The following DPY19L2 variants were observed in gnomAD, a reference collection of about 807,000 sequenced individuals.
DPY19L2 encodes probable C-mannosyltransferase DPY19L2.
A neutral mutation model predicts 97.9 loss-of-function variants in DPY19L2; 34 were observed. That is an observed-to-expected ratio of 0.35 (90% confidence interval 0.26 to 0.46). DPY19L2 has a LOEUF of 0.46. Ranked by LOEUF, DPY19L2 falls within the 20% of genes least tolerant of loss-of-function variation. The pLI is 1.00. For missense variants in DPY19L2, 623 were observed against 911.4 expected, an observed-to-expected ratio of 0.68 and a Z score of 4.07; for synonymous variants, 230 against 307.9, an observed-to-expected ratio of 0.75 and a Z score of 2.65.
intron 4 of DPY19L2, among the ~76,000 whole-genome samples, chr12:63,649,952 A>T (rs1592727481): frequency 6.6e-6 from 1 of 152,166 alleles, no homozygotes; most frequent in Non-Finnish European, 1.5e-5. Context: ...ATCCATCAGC[A>T]CATCAAAAAG....
chr12:63,565,116 T>C (rs1057106784), intron 21 of DPY19L2, among the ~76,000 whole-genome samples: 3 of 152,208 alleles, frequency 2.0e-5, no homozygotes, highest in African/African-American at 4.8e-5. Flanking sequence ...TCTTTATATT[T>C]AAGTAAATTT....
At chr12:63,565,039 A>G (rs1877384283) in intron 21 of DPY19L2, among the ~76,000 whole-genome samples, 2 of 152,192 alleles carry the variant, frequency 1.3e-5, no homozygotes. Flanking sequence ...CAGTCACACC[A>G]GCTTTCACTG....
intron 3 of DPY19L2, among the ~76,000 whole-genome samples, chr12:63,663,499 C>T (rs1427130697): frequency 1.3e-5 from 2 of 152,102 alleles, no homozygotes; most frequent in Non-Finnish European, 2.9e-5. Context: ...TTCTTCAGTG[C>T]TTTCTTTGTC....
At chr12:63,633,274 G>A (rs1159064174) in intron 6 of DPY19L2, among the ~76,000 whole-genome samples, 2 of 152,094 alleles carry the variant, frequency 1.3e-5, no homozygotes, top group Non-Finnish European at 2.9e-5. Context: ...AGAGTGAATA[G>A]GCAACCTACA....
intron 6 of DPY19L2, among the ~76,000 whole-genome samples, chr12:63,632,815 T>C (rs1213634366): frequency 6.6e-6 from 1 of 152,018 alleles, no homozygotes; most frequent in African/African-American, 2.4e-5. Flanking sequence ...CTTCAAACTA[T>C]ACTACAAGGC....
chr12:63,666,577 G>A (rs745620878), intron 1 of DPY19L2: 288 of 407,506 alleles, frequency 7.1e-4, no homozygotes, highest in Non-Finnish European at 1.1e-3. Context: ...GGAGAGAGAA[G>A]AGTGGGTAAT....
chr12:63,615,623 A>G (rs1428838184), intron 11 of DPY19L2, among the ~76,000 whole-genome samples: 1 of 152,186 alleles, frequency 6.6e-6, no homozygotes, highest in African/African-American at 2.4e-5. Flanking sequence ...AATAAATTTC[A>G]TGAGGATAAA....
intron 16 of DPY19L2, 110 bp downstream of exon 16, chr12:63,593,977 T>C: frequency 1.5e-6 from 1 of 686,328 alleles, no homozygotes; most frequent in Non-Finnish European, 2.3e-6. Context: ...ATTTCCTTTC[T>C]TAATCACAAT....
Position 63,594,113 on chromosome 12 carries a change from A to T in DPY19L2, c.1554T>A (p.Tyr518Ter), listed in dbSNP as rs1269995016. ...TTAGATAAATGTTTGTAGCTAAAAC[A>T]TATGAAATATCACGAACAGTCTGTG... ...IFKKTVRDIS[Y>*]VLATNIYLRK... The change falls in exon 16 of 22, where the codon TAT becomes TAA. Residue 518 changes from tyrosine to a stop codon, truncating the protein, a stop_gained. Coordinates refer to ENST00000324472, the MANE Select transcript of DPY19L2 (RefSeq NM_173812.5). LOFTEE classifies it high-confidence loss of function. 2 of 1,547,626 alleles carry T rather than the reference A, an allele frequency of 1.3e-6. No individual in the cohort carries two copies. Among genetic ancestry groups the T allele is most frequent in the Non-Finnish European group, 1.8e-6 (2 of 1,133,498 alleles).
chr12:63,597,746 AT>A, intron 14 of DPY19L2, 62 bp downstream of exon 14: 1 of 1,484,950 alleles, frequency 6.7e-7, no homozygotes, highest in Non-Finnish European at 9.2e-7. Context: ...TGAGTTTCAG[AT>A]TTTAAAAAAC....
At chr12:63,637,488 G>C (rs1287175343) in intron 6 of DPY19L2, among the ~76,000 whole-genome samples, 1 of 151,940 alleles carries the variant, frequency 6.6e-6, no homozygotes, top group Non-Finnish European at 1.5e-5. Context: ...GAAGAAAAGA[G>C]AGAAGAATCA....
intron 17 of DPY19L2, among the ~76,000 whole-genome samples, 177 bp from the exon 18 acceptor site, chr12:63,582,702 G>A (rs2137377286): frequency 6.6e-6 from 1 of 152,232 alleles, no homozygotes; most frequent in Admixed American, 6.5e-5. Flanking sequence ...GTACTCTTCT[G>A]GGTGCTTCGG....
intron 4 of DPY19L2, among the ~76,000 whole-genome samples, chr12:63,652,455 A>G (rs1374732842): frequency 6.6e-6 from 1 of 152,216 alleles, no homozygotes; most frequent in Non-Finnish European, 1.5e-5. Context: ...TTAGCCTACC[A>G]TAAAGACACA....
In DPY19L2 at chr12:63,663,840, T is replaced by C. The variant is rs1895992799; in HGVS notation, c.368A>G (p.His123Arg). Reference sequence around the variant, plus strand: ...ATCATTTTCAAAAAGTGTTACTAAATGTAACCTAGAAAAAAATGAAGTATC... The same window carrying C: ...ATCATTTTCAAAAAGTGTTACTAAACGTAACCTAGAAAAAAATGAAGTATC... ...AVFVAILHWL[H>R]LVTLFENDRH... Residue 123 changes from histidine (H) to arginine (R), a missense_variant, in exon 3 of 22, where the codon CAT becomes CGT. Transcript: ENST00000324472. 6.3e-7 allele frequency: 1 copy of C among 1,596,762 alleles called. No homozygotes were observed. The highest frequency in any genetic ancestry group is 2.3e-5 in the East Asian group (1 of 44,140).
chr12:63,657,558 G>A (rs558264004), intron 4 of DPY19L2, among the ~76,000 whole-genome samples: 84 of 139,612 alleles, frequency 6.0e-4, no homozygotes, highest in African/African-American at 2.3e-3. Context: ...TTAACATTTA[G>A]GTTTTTTTTT....
At chr12:63,587,823 G>T (rs1882080566) in intron 16 of DPY19L2, among the ~76,000 whole-genome samples, 1 of 151,968 alleles carries the variant, frequency 6.6e-6, no homozygotes, top group Non-Finnish European at 1.5e-5. Context: ...CGCCCGCCTT[G>T]GCCTCCCAAA....
chr12:63,638,058 G>A (rs1458383414), intron 6 of DPY19L2, among the ~76,000 whole-genome samples: 1 of 152,050 alleles, frequency 6.6e-6, no homozygotes, highest in Non-Finnish European at 1.5e-5. Context: ...TTCAACATAC[G>A]CAAATCAATA....
chr12:63,647,063 T>A (rs1893506810), intron 5 of DPY19L2, among the ~76,000 whole-genome samples, 182 bp downstream of exon 5: 1 of 152,166 alleles, frequency 6.6e-6, no homozygotes, highest in South Asian at 2.1e-4. Flanking sequence ...TATACTCAAA[T>A]TTTTAAGTAC....
At chr12:63,581,787 G>C (rs1455581935) in intron 18 of DPY19L2, among the ~76,000 whole-genome samples, 2 of 135,940 alleles carry the variant, frequency 1.5e-5, no homozygotes, top group East Asian at 4.8e-4. Context: ...CTGGCCACCA[G>C]GAAACTCTTT....
Sources: allele counts gnomAD v4.1 joint callset (sites outside exome capture counted in the v4.1 genomes callset), GRCh38; gene constraint gnomAD v4.1.1; transcripts MANE v1.5; gene names NCBI Gene and HGNC (gene_info 2026-07-23, HGNC 2026-07-21).